Variants in PDCD6IP observed in about 807,000 individuals in gnomAD.
PDCD6IP encodes the protein programmed cell death 6-interacting protein.
Under a neutral mutation model 103.7 loss-of-function variants are expected in PDCD6IP, and 43 were observed. The ratio of observed to expected loss-of-function variants is 0.41; its 90% confidence interval spans 0.32 to 0.53. The LOEUF (loss-of-function observed/expected upper bound fraction) is 0.53, where lower values mean the gene tolerates loss of function less well. Ranked by LOEUF, PDCD6IP falls within the 20% of genes least tolerant of loss-of-function variation. The pLI, the probability that PDCD6IP is intolerant of heterozygous loss-of-function variation, is 0.16. For missense variants in PDCD6IP, 871 were observed against 1,036.7 expected (o/e 0.84, Z 2.20); for synonymous variants, 354 against 378.7 (o/e 0.93, Z 0.76).
intron 12 of PDCD6IP, among the ~76,000 whole-genome samples, chr3:33,852,163 A>G (rs1268032751): frequency 6.6e-6 from 1 of 152,224 alleles, no homozygotes; most frequent in African/African-American, 2.4e-5. Flanking sequence ...TTTGGAATAG[A>G]GGTCATAAAT....
chr3:33,853,772 T>G (rs1314534557), intron 13 of PDCD6IP, 107 bp from the exon 14 acceptor site: 2 of 980,682 alleles, frequency 2.0e-6, no homozygotes, highest in Non-Finnish European at 2.8e-6. Flanking sequence ...TTTGCATATG[T>G]ATTTAATTAC....
At chr3:33,823,752 A>G (rs1697047960) in intron 4 of PDCD6IP, among the ~76,000 whole-genome samples, 1 of 152,244 alleles carries the variant, frequency 6.6e-6, no homozygotes, top group Admixed American at 6.5e-5. Context: ...ATTGCACTCT[A>G]GTCTGGGCGA....
At chr3:33,853,802 A>G in intron 13 of PDCD6IP, 77 bp from the exon 14 acceptor site, 1 of 1,165,462 alleles carries the variant, frequency 8.6e-7, no homozygotes, top group Non-Finnish European at 1.1e-6. Flanking sequence ...TCATAATTGG[A>G]AAAGATCAAT....
chr3:33,823,045 G>A (rs917555966), intron 4 of PDCD6IP, among the ~76,000 whole-genome samples: 2 of 148,640 alleles, frequency 1.3e-5, no homozygotes, highest in Non-Finnish European at 2.9e-5. Context: ...ATATAATCAT[G>A]TTGTCATTTT....
At chr3:33,846,107 A>C (rs1046310643) in intron 12 of PDCD6IP, among the ~76,000 whole-genome samples, 2 of 152,222 alleles carry the variant, frequency 1.3e-5, no homozygotes, top group Non-Finnish European at 2.9e-5. Flanking sequence ...GAAAGTCCTA[A>C]AAGAAGAGAA....
At position 33,813,493 on chromosome 3, in the gene PDCD6IP, A is replaced by G. The variant is rs1696762919; in HGVS notation, c.265-66A>G. On this transcript the variant is annotated intron_variant, in intron 2 of 17. Transcript: ENST00000307296. Reference sequence around the variant, plus strand: ...TTTCATGGTGGATTTTTCTTCAAAGAAGACTTAATATTTAATGAGATTCAG... The same window carrying G: ...TTTCATGGTGGATTTTTCTTCAAAGGAGACTTAATATTTAATGAGATTCAG... 8 of 964,072 alleles carry G rather than the reference A, an allele frequency of 8.3e-6. No individual in the cohort carries two copies. The East Asian group carries it at 1.0e-4, about 12-fold the overall frequency. 59.7% of individuals were successfully genotyped at this position (964,072 alleles called of 1,614,324 possible). A position where few individuals can be genotyped will look rare whatever the true frequency, so the allele number is the denominator to read the frequency against.
At chr3:33,803,333 T>C (rs1046713473) in intron 1 of PDCD6IP, among the ~76,000 whole-genome samples, 1 of 152,192 alleles carries the variant, frequency 6.6e-6, no homozygotes, top group Non-Finnish European at 1.5e-5. Context: ...AATTTATTGC[T>C]TTTTGCTAAA....
chr3:33,809,714 A>C (rs1439042638), intron 1 of PDCD6IP, among the ~76,000 whole-genome samples: 1 of 152,250 alleles, frequency 6.6e-6, no homozygotes, highest in African/African-American at 2.4e-5. Flanking sequence ...GATCTAATCT[A>C]GAATCATGCA....
intron 8 of PDCD6IP, among the ~76,000 whole-genome samples, chr3:33,836,622 G>C (rs1697354837): frequency 6.6e-6 from 1 of 151,542 alleles, no homozygotes; most frequent in Admixed American, 6.6e-5. Context: ...TTGGGAGGCT[G>C]AGATGGGTAG....
chr3:33,810,446 TTTTCA>T (rs1308209986), intron 1 of PDCD6IP, among the ~76,000 whole-genome samples: 2 of 152,194 alleles, frequency 1.3e-5, no homozygotes, highest in African/African-American at 4.8e-5. Flanking sequence ...ATATTGAATT[TTTTCA>T]GTCTCAGCCC....
intron 12 of PDCD6IP, among the ~76,000 whole-genome samples, chr3:33,846,752 G>T (rs1212140101): frequency 6.6e-6 from 1 of 152,162 alleles, no homozygotes; most frequent in Non-Finnish European, 1.5e-5. Flanking sequence ...TGTGACAGAA[G>T]GTTTACAGAC....
At chr3:33,799,121 T>A in intron 1 of PDCD6IP, 184 bp downstream of exon 1, 1 of 626,250 alleles carries the variant, frequency 1.6e-6, no homozygotes. Context: ...AGGCCCGCTG[T>A]GACTGCCCGC....
intron 6 of PDCD6IP, chr3:33,827,127 T>C: frequency 1.0e-6 from 1 of 985,368 alleles, no homozygotes. Context: ...AAACCACATA[T>C]CACAGGAAGT....
intron 1 of PDCD6IP, among the ~76,000 whole-genome samples, chr3:33,806,989 T>C (rs1696613201): frequency 6.6e-6 from 1 of 152,206 alleles, no homozygotes; most frequent in African/African-American, 2.4e-5. Flanking sequence ...TGTTGTACTT[T>C]TATTTCAACT....
At chr3:33,825,121 A>G (rs1273651140) in intron 4 of PDCD6IP, 66 bp from the exon 5 acceptor site, 3 of 1,357,546 alleles carry the variant, frequency 2.2e-6, no homozygotes, top group Non-Finnish European at 3.1e-6. Context: ...AATGACTTTT[A>G]TATGTAACAG....
chr3:33,813,548 A>C lies in PDCD6IP; in HGVS notation c.265-11A>C, dbSNP rs758029828. 1 of 1,566,482 alleles carries C rather than the reference A, an allele frequency of 6.4e-7. No homozygotes were observed. The highest frequency in any genetic ancestry group is 8.7e-7 in the Non-Finnish European group (1 of 1,143,908). ...GTTACCTAATTTTCTGTTTTCTTTCATTCTATCCAGATCTGCTTGACATTT... is the reference window on the plus strand; with the variant it reads ...GTTACCTAATTTTCTGTTTTCTTTCCTTCTATCCAGATCTGCTTGACATTT... On this transcript the variant is annotated splice_polypyrimidine_tract_variant and intron_variant, in intron 2 of 17. Coordinates refer to ENST00000307296, the MANE Select transcript of PDCD6IP (RefSeq NM_013374.6).
At chr3:33,803,488 C>G (rs1429338591) in intron 1 of PDCD6IP, among the ~76,000 whole-genome samples, 1 of 151,794 alleles carries the variant, frequency 6.6e-6, no homozygotes, top group African/African-American at 2.4e-5. Context: ...TTGTTTTTTC[C>G]TTACTAATTT....
intron 9 of PDCD6IP, among the ~76,000 whole-genome samples, chr3:33,841,052 G>A (rs28572790): frequency 0.29 from 43,214 of 149,044 alleles, 6,505 homozygotes; most frequent in East Asian, 0.4. Flanking sequence ...CCCCGAGACG[G>A]AGTCTCACTC....
intron 7 of PDCD6IP, among the ~76,000 whole-genome samples, chr3:33,832,775 C>G (rs879853399): frequency 6.6e-6 from 1 of 152,074 alleles, no homozygotes; most frequent in Non-Finnish European, 1.5e-5. Context: ...GTTTTAATGT[C>G]TGATAGGTAT....
Sources: gnomAD v4.1 joint callset for allele counts (sites outside exome capture counted in the v4.1 genomes callset) on GRCh38, gnomAD v4.1.1 for gene constraint, MANE v1.5 for transcripts, NCBI Gene and HGNC (gene_info 2026-07-23, HGNC 2026-07-21) for gene names.